Variants in SUGCT observed in about 807,000 individuals in gnomAD.
The protein encoded by SUGCT is succinyl-CoA:glutarate CoA-transferase.
SUGCT carries 41 observed loss-of-function variants against 55.0 expected under a neutral mutation model. The observed-to-expected ratio is 0.74, with a 90% CI of 0.58 to 0.97. The LOEUF (loss-of-function observed/expected upper bound fraction) is 0.97. Among genes scored for constraint, SUGCT ranks in the 50% least tolerant of loss-of-function variants. SUGCT has a pLI of 0.00. For missense variants in SUGCT, 568 were observed against 547.8 expected, an observed-to-expected ratio of 1.04 and a Z score of -0.37; for synonymous variants, 187 against 200.4, an observed-to-expected ratio of 0.93 and a Z score of 0.56.
At chr7:40,843,508 C>A (rs200101733) in intron 13 of SUGCT, among the ~76,000 whole-genome samples, 40 of 127,872 alleles carry the variant, frequency 3.1e-4, no homozygotes, top group East Asian at 1.8e-3. Context: ...GACTCTGTCT[C>A]AAAAAAAAAA....
chr7:40,403,688 A>G (rs886849266), intron 9 of SUGCT, among the ~76,000 whole-genome samples: 4 of 152,190 alleles, frequency 2.6e-5, no homozygotes, highest in Non-Finnish European at 5.9e-5. Context: ...TGAGGCTGCC[A>G]TATCTCTGCT....
chr7:40,792,572 A>G lies in SUGCT; in HGVS notation c.1153+43075A>G, dbSNP rs117783698. ...GATGAAATATGCTGGACTTGTAGCT[A>G]TCTGGTCCATGTGACAATGGTTTCT... On this transcript the variant is annotated intron_variant, in intron 13 of 13. Coordinates refer to ENST00000335693, the MANE Select transcript of SUGCT (RefSeq NM_001193313.2). Among the ~76,000 whole-genome samples the G allele has an allele frequency of 3.2e-4, 49 of 152,262 alleles. No individual in the cohort carries two copies. In the East Asian group the frequency reaches 8.5e-3, roughly 26 times the overall value.
At chr7:40,137,527 A>C (rs1209718933) in intron 1 of SUGCT, among the ~76,000 whole-genome samples, 3 of 152,188 alleles carry the variant, frequency 2.0e-5, no homozygotes, top group Non-Finnish European at 4.4e-5. Flanking sequence ...GTATAACTTC[A>C]ATCTAACTAA....
At position 40,170,257 on chromosome 7, in the gene SUGCT, C is replaced by T. The variant is rs192066719; in HGVS notation, c.101-10690C>T. On this transcript the variant is annotated intron_variant, in intron 1 of 13. Coordinates refer to ENST00000335693, the MANE Select transcript of SUGCT (RefSeq NM_001193313.2). ...CCAGACTCTCGGGCTGCAGTTACGG[C>T]GGCACTTCTCTCATTTGGGGTTAGT... Among the ~76,000 whole-genome samples, 1,105 of 152,260 alleles carry T rather than the reference C, an allele frequency of 7.3e-3. 15 individuals carry two copies. The highest frequency in any genetic ancestry group is 0.025 in the African/African-American group (1,051 of 41,550).
intron 12 of SUGCT, among the ~76,000 whole-genome samples, chr7:40,617,485 G>A (rs1279075924): frequency 6.6e-6 from 1 of 150,834 alleles, no homozygotes; most frequent in Non-Finnish European, 1.5e-5. Context: ...ATGTGTGTGT[G>A]TGTGTGTGTG....
Position 40,175,365 on chromosome 7 carries a change from A to G in SUGCT, c.101-5582A>G, listed in dbSNP as rs377569796. Among the ~76,000 whole-genome samples, 5 of 152,000 alleles carry G rather than the reference A, an allele frequency of 3.3e-5. No individual in the cohort carries two copies. The East Asian group carries it at 7.7e-4, about 24-fold the overall frequency. ...CCCCCTAGTAGCTGGGATTACAGGT[A>G]TGCACCAACATGCCCAGCTGCTTTT... On this transcript the variant is annotated intron_variant, in intron 1 of 13. Coordinates refer to ENST00000335693, the MANE Select transcript of SUGCT (RefSeq NM_001193313.2).
At chr7:40,272,768 T>A (rs1259672040) in intron 7 of SUGCT, among the ~76,000 whole-genome samples, 1 of 151,742 alleles carries the variant, frequency 6.6e-6, no homozygotes, top group Non-Finnish European at 1.5e-5. Context: ...CAAGCAGTTC[T>A]CCTGCCTCAG....
In SUGCT at chr7:40,653,629, G is replaced by A. The variant is rs138756551; in HGVS notation, c.1090-95805G>A. Reference sequence around the variant, plus strand: ...TTCAGTTTCTTCTCTCCTCTCTTCTGGAATTGTTCTGATTGCCTGGGAGCT... The same window carrying A: ...TTCAGTTTCTTCTCTCCTCTCTTCTAGAATTGTTCTGATTGCCTGGGAGCT... On this transcript the variant is annotated intron_variant, in intron 12 of 13. Transcript: ENST00000335693. Among the ~76,000 whole-genome samples, 527 of 152,194 alleles carry A rather than the reference G, an allele frequency of 3.5e-3. 8 individuals carry two copies. Among genetic ancestry groups the A allele is most frequent in the East Asian group, 0.031 (158 of 5,162 alleles).
the SUGCT span, among the ~76,000 whole-genome samples, chr7:41,033,025 G>A: frequency 3.9e-5 from 6 of 152,196 alleles, no homozygotes; most frequent in African/African-American, 1.4e-4. Context: ...GCCTTCCAAA[G>A]TCCTGGGATT....
intron 12 of SUGCT, among the ~76,000 whole-genome samples, chr7:40,697,968 G>A (rs1034866585): frequency 6.6e-6 from 1 of 152,222 alleles, no homozygotes; most frequent in African/African-American, 2.4e-5. Context: ...TGCTGTGCTT[G>A]ATATGTGCTC....
At chr7:40,393,020 G>A (rs910283502) in intron 9 of SUGCT, among the ~76,000 whole-genome samples, 1 of 152,166 alleles carries the variant, frequency 6.6e-6, no homozygotes, top group Non-Finnish European at 1.5e-5. Context: ...CTTTGGTATA[G>A]TCAAATGGTG....
chr7:40,764,100 G>A (rs1026935731), intron 13 of SUGCT, among the ~76,000 whole-genome samples: 4 of 152,152 alleles, frequency 2.6e-5, no homozygotes, highest in Admixed American at 2.6e-4. Flanking sequence ...CCAAAAAAAA[G>A]TGTGGTCCTG....
the SUGCT span, among the ~76,000 whole-genome samples, chr7:41,003,820 A>G: frequency 6.6e-6 from 1 of 152,220 alleles, no homozygotes; most frequent in African/African-American, 2.4e-5. Context: ...TCTCTGAATG[A>G]CAAAGGTCAG....
chr7:40,180,499 T>A (rs1416003435), intron 1 of SUGCT, among the ~76,000 whole-genome samples: 2 of 151,962 alleles, frequency 1.3e-5, no homozygotes, highest in African/African-American at 2.4e-5. Context: ...CAGTATTTTT[T>A]TTTTTTTCGA....
chr7:40,610,905 A>C (rs1397098148), intron 12 of SUGCT, among the ~76,000 whole-genome samples: 1 of 152,176 alleles, frequency 6.6e-6, no homozygotes. Context: ...GTAATTCTCA[A>C]AGCAACTGAA....
intron 12 of SUGCT, among the ~76,000 whole-genome samples, chr7:40,745,928 A>G (rs1787708621): frequency 6.6e-6 from 1 of 152,152 alleles, no homozygotes; most frequent in East Asian, 1.9e-4. Context: ...GAAAAACAAA[A>G]CATTTTTTAA....
chr7:40,161,187 C>G (rs549198476), intron 1 of SUGCT, among the ~76,000 whole-genome samples: 68 of 152,304 alleles, frequency 4.5e-4, no homozygotes, highest in Middle Eastern at 3.4e-3. Context: ...TTCTAAACTT[C>G]TCTCCAGACA....
intron 9 of SUGCT, among the ~76,000 whole-genome samples, chr7:40,363,388 C>A (rs1256912456): frequency 2.0e-5 from 3 of 152,202 alleles, no homozygotes; most frequent in East Asian, 3.9e-4. Context: ...TTTTCTAGTT[C>A]TTTTAATTGT....
At chr7:40,362,459 A>C (rs1416862985) in intron 9 of SUGCT, among the ~76,000 whole-genome samples, 2 of 152,100 alleles carry the variant, frequency 1.3e-5, no homozygotes, top group Non-Finnish European at 2.9e-5. Context: ...TCAGCCAACC[A>C]ACCAATCAAT....
Sources: allele counts gnomAD v4.1 joint callset (sites outside exome capture counted in the v4.1 genomes callset), GRCh38; gene constraint gnomAD v4.1.1; transcripts MANE v1.5; gene names NCBI Gene and HGNC (gene_info 2026-07-23, HGNC 2026-07-21).